OXR1: variants seen among roughly 807,000 people sequenced by gnomAD.
OXR1 encodes the protein oxidation resistance protein 1.
In OXR1, 41 loss-of-function variants were observed where a neutral mutation model predicts 104.6. The observed-to-expected ratio is 0.39, with a 90% CI of 0.31 to 0.51. The LOEUF is 0.51. Ranked by LOEUF, OXR1 falls within the 20% of genes least tolerant of loss-of-function variation. The pLI, the probability that OXR1 is intolerant of heterozygous loss-of-function variation, is 0.77. For synonymous variants in OXR1, 348 were observed against 348.4 expected (o/e 1.00, Z 0.01); for missense variants, 955 against 1,031.9 (o/e 0.93, Z 1.02).
At chr8:106,498,473 A>G (rs1268855693) in intron 2 of OXR1, among the ~76,000 whole-genome samples, 1 of 152,262 alleles carries the variant, frequency 6.6e-6, no homozygotes, top group African/African-American at 2.4e-5. Flanking sequence ...TGCAGCCCAC[A>G]TATTGTAGTT....
chr8:106,557,116 C>T (rs1816342886), intron 3 of OXR1, among the ~76,000 whole-genome samples: 1 of 152,132 alleles, frequency 6.6e-6, no homozygotes, highest in African/African-American at 2.4e-5. Context: ...TGTGTTTGCT[C>T]TAATTGTGGT....
chr8:106,350,820 C>T (rs999219517), intron 1 of OXR1, among the ~76,000 whole-genome samples: 2 of 152,066 alleles, frequency 1.3e-5, no homozygotes, highest in South Asian at 2.1e-4. Flanking sequence ...TTTTGTGCAA[C>T]GATTGGGGAA....
intron 3 of OXR1, among the ~76,000 whole-genome samples, chr8:106,594,007 G>A (rs544291649): frequency 6.6e-5 from 10 of 152,174 alleles, no homozygotes; most frequent in Non-Finnish European, 1.3e-4. Context: ...TTTAAGGTAC[G>A]TCAAACTGGA....
At chr8:106,476,586 G>T (rs991946110) in intron 2 of OXR1, among the ~76,000 whole-genome samples, 2 of 151,752 alleles carry the variant, frequency 1.3e-5, no homozygotes, top group Non-Finnish European at 2.9e-5. Context: ...GTCCTTTGTG[G>T]CATTTTTCCC....
At chr8:106,628,488 C>G (rs1822371999) in intron 3 of OXR1, among the ~76,000 whole-genome samples, 2 of 152,178 alleles carry the variant, frequency 1.3e-5, no homozygotes, top group Non-Finnish European at 2.9e-5. Flanking sequence ...TGAATTTTAT[C>G]TCTCCAACTC....
In OXR1 at chr8:106,686,275, AT is replaced by A. The variant is rs1321759464; in HGVS notation, c.525+1917del. 5.9e-5 allele frequency among the ~76,000 whole-genome samples: 6 copies of A among 102,496 alleles called. No individual in the cohort carries two copies. The South Asian group carries it at 2.6e-3, about 44-fold the overall frequency. The allele number at this position is 102,496 out of a possible 152,430, so 67.2% of individuals were successfully genotyped here. On this transcript the variant is annotated intron_variant, in intron 6 of 16. Coordinates refer to ENST00000517566, the MANE Select transcript of OXR1 (RefSeq NM_001198533.2). ...ACCTGCTCCCTGAAAACATATTGAA[AT>A]GGAAAATAATTAAAAAAAAAAAAAA...
chr8:106,518,353 A>G (rs1300566575), intron 2 of OXR1, among the ~76,000 whole-genome samples: 5 of 152,226 alleles, frequency 3.3e-5, no homozygotes, highest in Non-Finnish European at 7.3e-5. Context: ...GGAAATATGC[A>G]TGAGCAGGGA....
At chr8:106,308,988 T>G (rs200424798) in intron 1 of OXR1, among the ~76,000 whole-genome samples, 35 of 94,012 alleles carry the variant, frequency 3.7e-4, no homozygotes, top group African/African-American at 2.5e-3. Flanking sequence ...TTTTTTTTTG[T>G]TTTTTTTTGA....
chr8:106,414,532 GTCT>G (rs1260627192), intron 2 of OXR1, among the ~76,000 whole-genome samples: 2 of 152,112 alleles, frequency 1.3e-5, no homozygotes, highest in Admixed American at 1.3e-4. Context: ...GAAGCAGATA[GTCT>G]TCTTATCTAT....
chr8:106,484,634 A>G (rs1204150814), intron 2 of OXR1, among the ~76,000 whole-genome samples: 11 of 152,056 alleles, frequency 7.2e-5, no homozygotes, highest in African/African-American at 2.4e-4. Flanking sequence ...CTACACACCT[A>G]TTAGAATGGC....
chr8:106,420,759 T>TGTGTGTGTGTGTGTGTG (rs1563513879), intron 2 of OXR1, among the ~76,000 whole-genome samples: 1 of 151,538 alleles, frequency 6.6e-6, no homozygotes, highest in African/African-American at 2.4e-5. Context: ...TGTGTGTGTG[T>TGTGTGTGTGTGTGTGTG]TAGTTACTAG....
At chr8:106,444,903 T>C (rs546072390) in intron 2 of OXR1, among the ~76,000 whole-genome samples, 54 of 152,240 alleles carry the variant, frequency 3.5e-4, no homozygotes, top group African/African-American at 1.3e-3. Context: ...CCCCCATATA[T>C]ATATACACCA....
At chr8:106,288,077 G>A (rs1812573384) in intron 1 of OXR1, among the ~76,000 whole-genome samples, 1 of 152,200 alleles carries the variant, frequency 6.6e-6, no homozygotes, top group Non-Finnish European at 1.5e-5. Context: ...CACCCATGCA[G>A]AATGCAGAGG....
chr8:106,472,295 T>G (rs1821533161), intron 2 of OXR1, among the ~76,000 whole-genome samples: 1 of 151,746 alleles, frequency 6.6e-6, no homozygotes, highest in African/African-American at 2.4e-5. Context: ...GACCACATTT[T>G]AACAGTTTGG....
At chr8:106,411,970 A>G (rs1275161942) in intron 2 of OXR1, among the ~76,000 whole-genome samples, 2 of 152,132 alleles carry the variant, frequency 1.3e-5, no homozygotes, top group Non-Finnish European at 2.9e-5. Flanking sequence ...TGATGTTTTA[A>G]TTTTCTTATC....
chr8:106,692,113 T>G (rs1447049042), intron 6 of OXR1, among the ~76,000 whole-genome samples: 1 of 152,058 alleles, frequency 6.6e-6, no homozygotes, highest in Non-Finnish European at 1.5e-5. Flanking sequence ...CTATTTTATT[T>G]TGACCATTCC....
intron 2 of OXR1, among the ~76,000 whole-genome samples, chr8:106,449,134 T>C (rs1303954834): frequency 3.3e-5 from 5 of 152,102 alleles, no homozygotes; most frequent in African/African-American, 1.2e-4. Flanking sequence ...TTAAAAAATA[T>C]AAATTTTGCC....
intron 1 of OXR1, among the ~76,000 whole-genome samples, chr8:106,284,914 TAATTG>T (rs960998497): frequency 2.4e-4 from 37 of 152,350 alleles, no homozygotes; most frequent in African/African-American, 8.7e-4. Flanking sequence ...ACTGTTACTG[TAATTG>T]AATTGAATTG....
At chr8:106,551,326 G>A (rs1815786342) in intron 3 of OXR1, among the ~76,000 whole-genome samples, 1 of 152,114 alleles carries the variant, frequency 6.6e-6, no homozygotes, top group Admixed American at 6.5e-5. Context: ...GCAAAATTTG[G>A]TTGAAACATA....
Sources: gnomAD v4.1 joint callset for allele counts (sites outside exome capture counted in the v4.1 genomes callset) on GRCh38, gnomAD v4.1.1 for gene constraint, MANE v1.5 for transcripts, NCBI Gene and HGNC (gene_info 2026-07-23, HGNC 2026-07-21) for gene names.